Variants in HACD2 observed in about 807,000 individuals in gnomAD.
The protein encoded by HACD2 is 3-hydroxyacyl-CoA dehydratase 2.
In HACD2, 15 loss-of-function variants were observed where a neutral mutation model predicts 31.0. That is an observed-to-expected ratio of 0.48 (90% CI 0.32 to 0.75). The LOEUF (loss-of-function observed/expected upper bound fraction) is 0.75, where lower values mean the gene tolerates loss of function less well. Ranked by LOEUF, HACD2 falls within the 30% of genes least tolerant of loss-of-function variation. The probability of loss-of-function intolerance (pLI) is 0.03; values close to 1 mark genes in which losing one functional copy is unlikely to be tolerated. For synonymous variants in HACD2, 115 were observed against 122.2 expected (o/e 0.94, Z 0.39); for missense variants, 283 against 313.0 (o/e 0.90, Z 0.72).
At chr3:123,531,468 C>T (rs368333746) in intron 3 of HACD2, among the ~76,000 whole-genome samples, 31 of 152,224 alleles carry the variant, frequency 2.0e-4, no homozygotes, top group African/African-American at 7.2e-4. Flanking sequence ...TACAGGTATG[C>T]ACCACCATGC....
intron 6 of HACD2, among the ~76,000 whole-genome samples, chr3:123,499,986 A>G (rs1487554336): frequency 6.6e-6 from 1 of 152,240 alleles, no homozygotes; most frequent in African/African-American, 2.4e-5. Flanking sequence ...TGAAGAGAAC[A>G]CTGTGTCCCA....
chr3:123,551,350 G>T (rs1446640801), intron 3 of HACD2, among the ~76,000 whole-genome samples: 2 of 152,134 alleles, frequency 1.3e-5, no homozygotes, highest in African/African-American at 2.4e-5. Context: ...CGGGCACGGT[G>T]GCTCACACTT....
intron 4 of HACD2, among the ~76,000 whole-genome samples, chr3:123,516,422 G>T (rs910832940): frequency 6.6e-6 from 1 of 150,722 alleles, no homozygotes; most frequent in African/African-American, 2.5e-5. Flanking sequence ...TTTTAGTAGA[G>T]ATGGGGTTTC....
intron 4 of HACD2, among the ~76,000 whole-genome samples, chr3:123,516,668 T>C (rs2056141692): frequency 1.3e-5 from 2 of 152,194 alleles, no homozygotes; most frequent in Non-Finnish European, 2.9e-5. Flanking sequence ...TCAAAACAAC[T>C]CTTGGTCACA....
intron 4 of HACD2, among the ~76,000 whole-genome samples, chr3:123,514,009 T>C (rs2056100285): frequency 6.6e-6 from 1 of 152,200 alleles, no homozygotes; most frequent in East Asian, 1.9e-4. Context: ...ATATGGTGGC[T>C]CATGCTTGTA....
intron 1 of HACD2, among the ~76,000 whole-genome samples, chr3:123,582,672 G>A (rs2056978253): frequency 6.6e-6 from 1 of 151,908 alleles, no homozygotes; most frequent in Non-Finnish European, 1.5e-5. Context: ...AATCTAAGAC[G>A]AGAAAAAAAC....
chr3:123,564,272 T>C (rs2056768259), intron 3 of HACD2, among the ~76,000 whole-genome samples: 1 of 152,024 alleles, frequency 6.6e-6, no homozygotes, highest in Non-Finnish European at 1.5e-5. Flanking sequence ...TGGCTTGGAA[T>C]TGGAAAGGTA....
intron 3 of HACD2, among the ~76,000 whole-genome samples, chr3:123,564,499 C>G (rs16834430): frequency 0.18 from 27,942 of 152,140 alleles, 2,723 homozygotes; most frequent in African/African-American, 0.2. Flanking sequence ...AGGGAGTCAT[C>G]AGCGGTGCCC....
chr3:123,532,246 CTACT>C (rs780130715), intron 3 of HACD2, among the ~76,000 whole-genome samples: 21 of 152,180 alleles, frequency 1.4e-4, no homozygotes, highest in Non-Finnish European at 2.6e-4. Context: ...GTGAACTCGC[CTACT>C]TAGACACCTT....
At chr3:123,563,131 C>T (rs981503498) in intron 3 of HACD2, among the ~76,000 whole-genome samples, 1 of 152,224 alleles carries the variant, frequency 6.6e-6, no homozygotes, top group Non-Finnish European at 1.5e-5. Context: ...ATAGCTCTTG[C>T]TCTAAAAATA....
chr3:123,510,609 TC>T (rs1249380039), intron 4 of HACD2, among the ~76,000 whole-genome samples: 3 of 152,232 alleles, frequency 2.0e-5, no homozygotes, highest in Non-Finnish European at 4.4e-5. Flanking sequence ...AGAATTTCCT[TC>T]CTTTTTGTGT....
At chr3:123,515,726 A>G (rs1409317377) in intron 4 of HACD2, among the ~76,000 whole-genome samples, 1 of 152,164 alleles carries the variant, frequency 6.6e-6, no homozygotes. Flanking sequence ...GGTGGTTTAA[A>G]AAAAAAAGAT....
chr3:123,497,654 T>C (rs532530956), intron 6 of HACD2, among the ~76,000 whole-genome samples: 2 of 152,354 alleles, frequency 1.3e-5, no homozygotes, highest in African/African-American at 4.8e-5. Context: ...GGGTGGAATG[T>C]AAACAGGCCT....
At chr3:123,582,083 T>C (rs2056971873) in intron 2 of HACD2, 129 bp downstream of exon 2, 2 of 490,038 alleles carry the variant, frequency 4.1e-6, no homozygotes, top group Non-Finnish European at 7.3e-6. Flanking sequence ...AACACTTTAG[T>C]ATGTGAGGAG....
chr3:123,577,986 T>C (rs1295545978), intron 2 of HACD2, among the ~76,000 whole-genome samples: 1 of 152,106 alleles, frequency 6.6e-6, no homozygotes, highest in East Asian at 1.9e-4. Context: ...TCAAGAACAA[T>C]ATCATCACCT....
chr3:123,580,756 T>A (rs2107762736), intron 2 of HACD2, among the ~76,000 whole-genome samples: 1 of 147,584 alleles, frequency 6.8e-6, no homozygotes, highest in South Asian at 2.2e-4. Flanking sequence ...ACCACTGCAC[T>A]CCAGCCTGGG....
At chr3:123,501,577 T>C (rs1363195486) in intron 5 of HACD2, among the ~76,000 whole-genome samples, 1 of 151,932 alleles carries the variant, frequency 6.6e-6, no homozygotes, top group Admixed American at 6.6e-5. Context: ...CCACACTAAG[T>C]AGGATGGTGG....
At chr3:123,551,260 GAC>G (rs2056616832) in intron 3 of HACD2, among the ~76,000 whole-genome samples, 1 of 152,112 alleles carries the variant, frequency 6.6e-6, no homozygotes, top group African/African-American at 2.4e-5. Flanking sequence ...GTGTGGGTCA[GAC>G]TGAGTTTTGT....
At chr3:123,499,658 A>C (rs1158912951) in intron 6 of HACD2, 4 of 455,244 alleles carry the variant, frequency 8.8e-6, no homozygotes, top group Non-Finnish European at 1.8e-5. Flanking sequence ...TTAGGGAAGA[A>C]TACAGTATCT....
Sources: allele counts gnomAD v4.1 joint callset (sites outside exome capture counted in the v4.1 genomes callset), GRCh38; gene constraint gnomAD v4.1.1; transcripts MANE v1.5; gene names NCBI Gene and HGNC (gene_info 2026-07-23, HGNC 2026-07-21).